Variants in GDPD1 observed in about 807,000 individuals in gnomAD.
GDPD1 encodes the protein lysophospholipase D GDPD1.
In GDPD1, 28 loss-of-function variants were observed where a neutral mutation model predicts 45.1. The ratio of observed to expected loss-of-function variants is 0.62; its 90% CI spans 0.46 to 0.85. GDPD1 has a LOEUF of 0.85. Among genes scored for constraint, GDPD1 ranks in the 40% least tolerant of loss-of-function variants. GDPD1 has a pLI of 0.00. For missense variants in GDPD1, 256 were observed against 364.8 expected (o/e 0.70, Z 2.43); for synonymous variants, 139 against 131.4 (o/e 1.06, Z -0.40).
intron 1 of GDPD1, among the ~76,000 whole-genome samples, chr17:59,224,077 C>T (rs2047026706): frequency 6.6e-6 from 1 of 152,114 alleles, no homozygotes; most frequent in Non-Finnish European, 1.5e-5. Flanking sequence ...TCCTAATGAA[C>T]TCAGATGTTA....
At chr17:59,246,341 G>A (rs979200126) in intron 3 of GDPD1, among the ~76,000 whole-genome samples, 2 of 151,376 alleles carry the variant, frequency 1.3e-5, no homozygotes, top group Non-Finnish European at 2.9e-5. Context: ...GATAATGGCC[G>A]GCCTCGGTGG....
At chr17:59,252,825 C>T (rs1336938544) in intron 4 of GDPD1, among the ~76,000 whole-genome samples, 1 of 152,040 alleles carries the variant, frequency 6.6e-6, no homozygotes, top group African/African-American at 2.4e-5. Context: ...CATGGTGAAA[C>T]CCCGTCTCTA....
chr17:59,263,583 A>AGG (rs2047376007), intron 6 of GDPD1, among the ~76,000 whole-genome samples: 1 of 140,520 alleles, frequency 7.1e-6, no homozygotes, highest in Non-Finnish European at 1.5e-5. Context: ...GGTTCAAGCG[A>AGG]TTCTCCTCCC....
chr17:59,236,061 T>C (rs1191796351), intron 2 of GDPD1, among the ~76,000 whole-genome samples: 2 of 152,148 alleles, frequency 1.3e-5, no homozygotes, highest in Admixed American at 6.6e-5. Context: ...ACTCATAACT[T>C]TGAGTGATTT....
intron 1 of GDPD1, among the ~76,000 whole-genome samples, chr17:59,229,472 G>T (rs1422190900): frequency 6.6e-6 from 1 of 151,544 alleles, no homozygotes. Flanking sequence ...TGATCTGCCC[G>T]CCTCGGCCTC....
chr17:59,270,078 A>G (rs1166684837), intron 7 of GDPD1, among the ~76,000 whole-genome samples: 2 of 152,124 alleles, frequency 1.3e-5, no homozygotes, highest in Non-Finnish European at 2.9e-5. Context: ...CAATATAGTG[A>G]TTGTTTAATG....
chr17:59,225,291 GAT>G (rs2047039475), intron 1 of GDPD1, among the ~76,000 whole-genome samples: 2 of 151,732 alleles, frequency 1.3e-5, no homozygotes, highest in Non-Finnish European at 2.9e-5. Context: ...TTTTAGTAGA[GAT>G]GGGTTTTTGC....
intron 2 of GDPD1, among the ~76,000 whole-genome samples, chr17:59,236,957 C>T (rs2047136823): frequency 6.6e-6 from 1 of 151,958 alleles, no homozygotes; most frequent in Non-Finnish European, 1.5e-5. Flanking sequence ...CACATTAGTG[C>T]CCTTGCTATG....
intron 1 of GDPD1, among the ~76,000 whole-genome samples, chr17:59,232,674 T>C (rs1037223131): frequency 6.6e-6 from 1 of 152,124 alleles, no homozygotes; most frequent in Non-Finnish European, 1.5e-5. Context: ...TGTGATGAGC[T>C]TATTGAAGGA....
chr17:59,270,460 A>C (rs2047436344), intron 7 of GDPD1, among the ~76,000 whole-genome samples: 1 of 152,014 alleles, frequency 6.6e-6, no homozygotes, highest in Admixed American at 6.6e-5. Flanking sequence ...CAGCCTCCCA[A>C]AGTGCTGGGA....
At chr17:59,267,901 C>T (rs1816040572) in intron 7 of GDPD1, among the ~76,000 whole-genome samples, 1 of 152,000 alleles carries the variant, frequency 6.6e-6, no homozygotes, top group Admixed American at 6.6e-5. Flanking sequence ...AACTCCTTAC[C>T]TCAGATGATC....
intron 3 of GDPD1, among the ~76,000 whole-genome samples, chr17:59,248,193 G>A (rs1295920771): frequency 6.6e-6 from 1 of 151,836 alleles, no homozygotes; most frequent in Non-Finnish European, 1.5e-5. Context: ...CCTCCCAAAA[G>A]GATGGATCCT....
intron 5 of GDPD1, among the ~76,000 whole-genome samples, chr17:59,257,487 A>C (rs984982491): frequency 1.3e-5 from 2 of 152,176 alleles, no homozygotes; most frequent in African/African-American, 4.8e-5. Flanking sequence ...GCATTTATGT[A>C]ATTATCTTCT....
At position 59,257,808 on chromosome 17, in the gene GDPD1, A is replaced by G. The variant is rs965373677; in HGVS notation, c.544A>G (p.Asn182Asp). ...ACACTTAACAGTGTGGGGTAATGCC[A>G]ATTATGAAATTGTAGAAAAGTGCTA... ...REHLTVWGNA[N>D]YEIVEKCYKE... is the part of the protein sequence containing the mutation. The change falls in exon 6 of 10, where the codon AAT becomes GAT. Residue 182 changes from asparagine to aspartate, a missense_variant. Coordinates refer to ENST00000284116, the MANE Select transcript of GDPD1 (RefSeq NM_182569.4). 1.9e-6 allele frequency: 3 copies of G among 1,604,192 alleles called. No individual in the cohort carries two copies. Among genetic ancestry groups the G allele is most frequent in the African/African-American group, 1.3e-5 (1 of 74,694 alleles).
chr17:59,267,759 TC>T (rs2147905586), intron 7 of GDPD1, among the ~76,000 whole-genome samples: 2 of 151,426 alleles, frequency 1.3e-5, no homozygotes, highest in African/African-American at 4.8e-5. Context: ...AACCTCTGCC[TC>T]CCGGGTTCAA....
intron 7 of GDPD1, among the ~76,000 whole-genome samples, chr17:59,269,639 A>G (rs2047429799): frequency 6.6e-6 from 1 of 151,906 alleles, no homozygotes; most frequent in Non-Finnish European, 1.5e-5. Flanking sequence ...CCTGGCCAAC[A>G]TGGTGAAACT....
intron 7 of GDPD1, among the ~76,000 whole-genome samples, chr17:59,267,632 T>C (rs903468711): frequency 7.2e-5 from 11 of 151,786 alleles, no homozygotes; most frequent in African/African-American, 2.4e-4. Context: ...TAAAAGGGTA[T>C]AGTTAGTTTA....
intron 7 of GDPD1, 141 bp downstream of exon 7, chr17:59,267,315 A>G (rs559995015): frequency 2.9e-5 from 20 of 685,104 alleles, no homozygotes; most frequent in East Asian, 2.2e-4. Context: ...TATATTATGC[A>G]TTTTTATATA....
intron 2 of GDPD1, among the ~76,000 whole-genome samples, chr17:59,237,501 A>G (rs1419945639): frequency 2.6e-5 from 4 of 152,194 alleles, no homozygotes; most frequent in Admixed American, 6.6e-5. Flanking sequence ...GAAGATACAT[A>G]CTATGCTTAA....
Sources: gnomAD v4.1 joint callset for allele counts (sites outside exome capture counted in the v4.1 genomes callset) on GRCh38, gnomAD v4.1.1 for gene constraint, MANE v1.5 for transcripts, NCBI Gene and HGNC (gene_info 2026-07-23, HGNC 2026-07-21) for gene names.